Variants in MASP1 observed in about 807,000 individuals in gnomAD.
MASP1 encodes the protein MBL associated serine protease 1.
MASP1 carries 59 observed loss-of-function variants against 77.1 expected under a neutral mutation model. The observed-to-expected ratio is 0.77, with a 90% CI of 0.62 to 0.95. The LOEUF is 0.95. Among genes scored for constraint, MASP1 ranks in the 40% least tolerant of loss-of-function variants. The pLI is 0.00. For synonymous variants in MASP1, 362 were observed against 354.5 expected (o/e 1.02, Z -0.24); for missense variants, 885 against 912.9 (o/e 0.97, Z 0.39).
intron 8 of MASP1, chr3:187,246,682 T>C (rs1382171023): frequency 1.0e-6 from 1 of 989,098 alleles, no homozygotes; most frequent in Admixed American, 5.8e-5. Flanking sequence ...CCTATCTTTT[T>C]AAAATTTTTA....
chr3:187,233,382 C>CT (rs1011360442), downstream of MASP1, among the ~76,000 whole-genome samples: 1 of 152,176 alleles, frequency 6.6e-6, no homozygotes, highest in Non-Finnish European at 1.5e-5. Context: ...AGCTTTCATG[C>CT]TTTTTTCCAC....
intron 7 of MASP1, among the ~76,000 whole-genome samples, chr3:187,250,934 G>A (rs1260965328): frequency 6.6e-6 from 1 of 152,136 alleles, no homozygotes; most frequent in African/African-American, 2.4e-5. Context: ...TTCTGGGGGT[G>A]GGAGAGTGAG....
In MASP1 at chr3:187,235,721, A is replaced by G. The variant is rs1235442086; in HGVS notation, c.2150T>C (p.Leu717Ser). The G allele has an allele frequency of 6.2e-7, 1 of 1,614,158 alleles. No individual in the cohort carries two copies. Among genetic ancestry groups the G allele is most frequent in the East Asian group, 2.2e-5 (1 of 44,880 alleles). Residue 717 changes from leucine to serine, a missense_variant, in exon 11 of 11, where the codon TTA becomes TCA. By Grantham distance (145) the Leu-to-Ser change is moderately radical (BLOSUM62 -2). Transcript: ENST00000296280. The stretch of plus-strand genomic sequence containing the variant: ...CTGGGGCTCCACAACACTTTGTGGT[A>G]AGCCCATCTGCTCCCACACCCAGTC... ...YVDWVWEQMG[L>S]PQSVVEPQVE...
intron 12 of MASP1, among the ~76,000 whole-genome samples, chr3:187,225,681 A>G (rs995715377): frequency 6.6e-6 from 1 of 152,006 alleles, no homozygotes; most frequent in Non-Finnish European, 1.5e-5. Flanking sequence ...TTCTCTACAT[A>G]ATCTCATGGG....
At chr3:187,258,202 G>C (rs1485998367) in intron 4 of MASP1, among the ~76,000 whole-genome samples, 1 of 152,192 alleles carries the variant, frequency 6.6e-6, no homozygotes, top group Non-Finnish European at 1.5e-5. Flanking sequence ...CTGACTGTCT[G>C]ATCCCCACCC....
chr3:187,261,682 C>T (rs1036783906), intron 3 of MASP1, among the ~76,000 whole-genome samples: 4 of 152,166 alleles, frequency 2.6e-5, no homozygotes, highest in Admixed American at 1.3e-4. Flanking sequence ...TAAAGCTAAA[C>T]GTATACCTAT....
At chr3:187,265,203 T>A (rs373237011) in intron 2 of MASP1, among the ~76,000 whole-genome samples, 1 of 152,202 alleles carries the variant, frequency 6.6e-6, no homozygotes, top group East Asian at 1.9e-4. Context: ...AATTTGTTAA[T>A]AATGAATAGT....
At chr3:187,237,353 TG>T (rs5855128) in intron 10 of MASP1, among the ~76,000 whole-genome samples, 77,273 of 152,166 alleles carry the variant, frequency 0.51, 22,349 homozygotes, top group East Asian at 0.67. Context: ...TTCTAAGTCT[TG>T]TATCCCACAC....
chr3:187,243,195 C>T (rs1713799518), intron 9 of MASP1: 1 of 417,116 alleles, frequency 2.4e-6, no homozygotes, highest in Admixed American at 3.5e-5. Context: ...TGTGTGACTC[C>T]TTCACGCTCC....
rs750979696 is a variant in MASP1, at chr3:187,262,609, T to C, written c.349A>G (p.Thr117Ala). ...TCATTGGAGAAATCTGACCGGAAAG[T>C]GATGGACATGAAGGAGCCAGGGGAG... is the stretch of plus-strand genomic sequence containing the variant. ...VLSPGSFMSITFRSDFSNEER... is the reference protein window; with the variant it reads ...VLSPGSFMSIAFRSDFSNEER... Residue 117 changes from threonine to alanine, a missense_variant, in exon 3 of 11, where the codon ACT becomes GCT. By Grantham distance (58) the Thr-to-Ala change is moderately conservative (BLOSUM62 0). Transcript: ENST00000296280. 6.2e-7 allele frequency: 1 copy of C among 1,613,900 alleles called. No homozygotes were observed. The highest frequency in any genetic ancestry group is 2.2e-5 in the East Asian group (1 of 44,854).
Position 187,285,948 on chromosome 3 carries a change from G to A in MASP1, c.114C>T (p.Asp38=), listed in dbSNP as rs1717813690. 1.2e-6 allele frequency: 2 copies of A among 1,614,220 alleles called. No individual in the cohort carries two copies. The highest frequency in any genetic ancestry group is 1.7e-6 in the Non-Finnish European group (2 of 1,180,014). Residue 38 remains aspartate (D), a synonymous_variant, in exon 2 of 11, where the codon GAC becomes GAT. Coordinates refer to ENST00000296280, the MANE Select transcript of MASP1 (RefSeq NM_139125.4). The stretch of plus-strand genomic sequence containing the variant: ...TCACCTCTGAATCACTGGGATAGGA[G>A]TCTGGATAACCAGGCGACTGGATCT... ...FGQIQSPGYP[D]SYPSDSEVTW... is the part of the protein sequence containing the mutation.
At chr3:187,225,372 T>C in exon 13 of MASP1, 1 of 1,613,964 alleles carries the variant, frequency 6.2e-7, no homozygotes, top group South Asian at 1.1e-5. Flanking sequence ...ACGAAGGCAT[T>C]CAGCACTGGG....
intron 7 of MASP1, among the ~76,000 whole-genome samples, chr3:187,251,060 G>C (rs1714533659): frequency 6.6e-6 from 1 of 152,166 alleles, no homozygotes; most frequent in South Asian, 2.1e-4. Context: ...CTGGATTCAA[G>C]TGATTCTCCT....
chr3:187,277,865 C>T (rs963179199), intron 2 of MASP1, among the ~76,000 whole-genome samples: 2 of 152,130 alleles, frequency 1.3e-5, no homozygotes, highest in African/African-American at 2.4e-5. Context: ...CTCCTGCTTT[C>T]GAATAGTGCT....
intron 8 of MASP1, chr3:187,245,034 C>T (rs1166580731): frequency 6.6e-6 from 1 of 152,144 alleles, no homozygotes; most frequent in African/African-American, 2.4e-5. Context: ...TACTTCTTAT[C>T]CACTAAGAAG....
rs369665021 is a variant in MASP1 at position 187,260,889 on chromosome 3, G to A, written c.416-17C>T. The stretch of plus-strand genomic sequence containing the variant: ...CGTCCACATCTGTAGGGCAGGTAAA[G>A]CCTCTCCATCAATACATGCATGATG... On this transcript the variant is annotated splice_polypyrimidine_tract_variant and intron_variant, in intron 3 of 10. Transcript: ENST00000296280. 3 of 1,614,016 alleles carry A rather than the reference G, an allele frequency of 1.9e-6. No individual in the cohort carries two copies. Among genetic ancestry groups the A allele is most frequent in the Non-Finnish European group, 1.7e-6 (2 of 1,179,916 alleles).
chr3:187,258,037 G>C (rs996075783), intron 4 of MASP1, among the ~76,000 whole-genome samples: 1 of 152,078 alleles, frequency 6.6e-6, no homozygotes, highest in African/African-American at 2.4e-5. Context: ...AAGGAACTAA[G>C]GCCATGCCAG....
intron 1 of MASP1, among the ~76,000 whole-genome samples, chr3:187,287,425 C>T (rs1347189077): frequency 6.6e-6 from 1 of 152,214 alleles, no homozygotes; most frequent in African/African-American, 2.4e-5. Flanking sequence ...CCTCCACAAG[C>T]CACTGCTCCC....
intron 8 of MASP1, among the ~76,000 whole-genome samples, chr3:187,249,338 G>A (rs750606769): frequency 1.3e-5 from 2 of 152,266 alleles, no homozygotes; most frequent in South Asian, 2.1e-4. Context: ...CATTACCAGC[G>A]TGAGCCACCA....
Sources: gnomAD v4.1 joint callset for allele counts (sites outside exome capture counted in the v4.1 genomes callset) on GRCh38, gnomAD v4.1.1 for gene constraint, MANE v1.5 for transcripts, NCBI Gene and HGNC (gene_info 2026-07-23, HGNC 2026-07-21) for gene names.